Variants in KCND2 observed in about 807,000 individuals in gnomAD.
The protein encoded by KCND2 is potassium voltage-gated channel subfamily D member 2.
A neutral mutation model predicts 54.4 loss-of-function variants in KCND2; 16 were observed. The ratio of observed to expected loss-of-function variants is 0.29; its 90% CI spans 0.20 to 0.45. KCND2 has a LOEUF of 0.45. KCND2 is among the 20% of genes least tolerant of loss of function. KCND2 has a pLI of 1.00. For missense variants in KCND2, 486 were observed against 824.2 expected (o/e 0.59, Z 5.02); for synonymous variants, 317 against 310.7 (o/e 1.02, Z -0.21).
At position 120,406,567 on chromosome 7, in the gene KCND2, A is replaced by G. The variant is rs575477719; in HGVS notation, c.1115+130820A>G. On this transcript the variant is annotated intron_variant, in intron 1 of 5. Coordinates refer to ENST00000331113, the MANE Select transcript of KCND2 (RefSeq NM_012281.3). ...ATAACCTTTCTTGTCAACAATAGAA[A>G]TATGTAACACAGCAATAGCTGATTA... Among the ~76,000 whole-genome samples, 37 of 152,200 alleles carry G rather than the reference A, an allele frequency of 2.4e-4. No individual in the cohort carries two copies. The East Asian group carries it at 6.4e-3, about 26-fold the overall frequency.
chr7:120,593,030 GT>G (rs1015711349), intron 1 of KCND2, among the ~76,000 whole-genome samples: 3 of 152,110 alleles, frequency 2.0e-5, no homozygotes, highest in Non-Finnish European at 4.4e-5. Context: ...TAAGCAAACA[GT>G]TTTTGTTAAA....
intron 1 of KCND2, among the ~76,000 whole-genome samples, chr7:120,315,633 C>T (rs1033020981): frequency 2.6e-5 from 4 of 151,988 alleles, no homozygotes; most frequent in Non-Finnish European, 5.9e-5. Context: ...CCTAAAGCCC[C>T]CAGAAAGTCA....
At chr7:120,364,531 A>G (rs1049934445) in intron 1 of KCND2, among the ~76,000 whole-genome samples, 5 of 152,130 alleles carry the variant, frequency 3.3e-5, no homozygotes, top group African/African-American at 1.2e-4. Flanking sequence ...TTTAGGATTA[A>G]TGCAATAGGT....
At chr7:120,580,864 C>G (rs1451610290) in intron 1 of KCND2, among the ~76,000 whole-genome samples, 2 of 152,078 alleles carry the variant, frequency 1.3e-5, no homozygotes, top group Non-Finnish European at 2.9e-5. Flanking sequence ...TTTCCCATCC[C>G]TAAAAGGAGT....
At chr7:120,582,225 A>G (rs1442365890) in intron 1 of KCND2, among the ~76,000 whole-genome samples, 1 of 152,058 alleles carries the variant, frequency 6.6e-6, no homozygotes. Flanking sequence ...CGCTGTCCCT[A>G]AAAGATCCCA....
chr7:120,519,345 C>A (rs1803247178), intron 1 of KCND2, among the ~76,000 whole-genome samples: 1 of 151,794 alleles, frequency 6.6e-6, no homozygotes, highest in Admixed American at 6.6e-5. Context: ...AGACTTTTCT[C>A]AAAAAACAAA....
intron 1 of KCND2, among the ~76,000 whole-genome samples, chr7:120,474,335 TTTG>T (rs1035496666): frequency 3.9e-5 from 6 of 151,908 alleles, no homozygotes; most frequent in Admixed American, 1.3e-4. Flanking sequence ...AATTATTCTT[TTTG>T]TTGTTGTTGT....
At chr7:120,710,626 T>C (rs144886553) in intron 1 of KCND2, among the ~76,000 whole-genome samples, 1 of 152,276 alleles carries the variant, frequency 6.6e-6, no homozygotes, top group Admixed American at 6.6e-5. Flanking sequence ...CTAAAGTTTA[T>C]CTTATTTACC....
chr7:120,664,628 A>G (rs940821290), intron 1 of KCND2, among the ~76,000 whole-genome samples: 4 of 152,096 alleles, frequency 2.6e-5, no homozygotes, highest in Non-Finnish European at 4.4e-5. Flanking sequence ...AGATAGTTTT[A>G]TGTTATAGGT....
At chr7:120,557,505 A>AT (rs2116404708) in intron 1 of KCND2, among the ~76,000 whole-genome samples, 1 of 152,250 alleles carries the variant, frequency 6.6e-6, no homozygotes, top group Non-Finnish European at 1.5e-5. Flanking sequence ...GCCTTTAATC[A>AT]TGCTGTTGGG....
At chr7:120,321,793 T>C (rs906163503) in intron 1 of KCND2, among the ~76,000 whole-genome samples, 2 of 152,128 alleles carry the variant, frequency 1.3e-5, no homozygotes, top group African/African-American at 2.4e-5. Flanking sequence ...AAGTCTTTTA[T>C]AAAAGAAACC....
At chr7:120,617,639 A>G (rs1793044854) in intron 1 of KCND2, among the ~76,000 whole-genome samples, 1 of 152,214 alleles carries the variant, frequency 6.6e-6, no homozygotes, top group Admixed American at 6.5e-5. Context: ...CAATCCAGTT[A>G]CTGGGTGTAT....
intron 1 of KCND2, among the ~76,000 whole-genome samples, chr7:120,449,319 A>T (rs1802068239): frequency 1.4e-5 from 2 of 142,006 alleles, no homozygotes. Context: ...ACAGAGCCAG[A>T]CTCCGTCTCA....
intron 1 of KCND2, among the ~76,000 whole-genome samples, chr7:120,731,239 A>C (rs921227188): frequency 4.6e-5 from 7 of 152,372 alleles, no homozygotes; most frequent in African/African-American, 1.7e-4. Flanking sequence ...TAATGTCAGT[A>C]GGGTGGATGA....
chr7:120,516,531 T>C (rs1335930603), intron 1 of KCND2, among the ~76,000 whole-genome samples: 1 of 152,092 alleles, frequency 6.6e-6, no homozygotes, highest in Non-Finnish European at 1.5e-5. Flanking sequence ...GAAAGAGGCT[T>C]CATAGGCTAG....
At chr7:120,604,201 T>C (rs1792849341) in intron 1 of KCND2, among the ~76,000 whole-genome samples, 1 of 152,060 alleles carries the variant, frequency 6.6e-6, no homozygotes. Context: ...GCCTTTTTGC[T>C]TTCATAATTT....
At chr7:120,482,783 T>C (rs1427347048) in intron 1 of KCND2, among the ~76,000 whole-genome samples, 1 of 152,182 alleles carries the variant, frequency 6.6e-6, no homozygotes, top group Non-Finnish European at 1.5e-5. Flanking sequence ...TTACCTAGTC[T>C]GTGGCATTCT....
intron 1 of KCND2, among the ~76,000 whole-genome samples, chr7:120,526,362 C>T (rs769079695): frequency 6.6e-6 from 1 of 152,014 alleles, no homozygotes; most frequent in Non-Finnish European, 1.5e-5. Context: ...ATTAAACTCT[C>T]CTAAATTTGA....
chr7:120,313,347 G>A (rs1349638784), intron 1 of KCND2, among the ~76,000 whole-genome samples: 1 of 152,076 alleles, frequency 6.6e-6, no homozygotes, highest in Non-Finnish European at 1.5e-5. Context: ...GTATATAAAT[G>A]TATGCATGAC....
Sources: allele counts gnomAD v4.1 joint callset (sites outside exome capture counted in the v4.1 genomes callset), GRCh38; gene constraint gnomAD v4.1.1; transcripts MANE v1.5; gene names NCBI Gene and HGNC (gene_info 2026-07-23, HGNC 2026-07-21).